Variants in SREBF1 observed in about 807,000 individuals in gnomAD.
The protein encoded by SREBF1 is sterol regulatory element binding transcription factor 1, also known as sterol regulatory element-binding protein 1.
SREBF1 carries 45 observed loss-of-function variants against 100.1 expected under a neutral mutation model. That is an observed-to-expected ratio of 0.45 (90% CI 0.35 to 0.58). SREBF1 has a LOEUF of 0.58. Ranked by LOEUF, SREBF1 falls within the 20% of genes least tolerant of loss-of-function variation. The pLI is 0.00. For synonymous variants in SREBF1, 657 were observed against 681.8 expected, an observed-to-expected ratio of 0.96 and a Z score of 0.57; for missense variants, 1,324 against 1,539.4, an observed-to-expected ratio of 0.86 and a Z score of 2.34.
At position 17,814,970 on chromosome 17, in the gene SREBF1, G is replaced by A. The variant is rs45581135; in HGVS notation, c.2493-26C>T. The A allele has an allele frequency of 1.3e-3, 1,965 of 1,547,902 alleles. 22 individuals carry two copies. The African/African-American group carries it at 0.024, about 19-fold the overall frequency. On this transcript the variant is annotated intron_variant, in intron 13 of 18. Transcript: ENST00000261646. ...CTGTGGAAGGAGAGAGCTGGCTGTC[G>A]GAACAGATGGCAGGGGTCCTAGGAG...
At chr17:17,816,182 G>GCCCCCCCCCCCCCCCCCCCC in intron 11 of SREBF1, 25 bp downstream of exon 11, 2 of 81,148 alleles carry the variant, frequency 2.5e-5, no homozygotes, top group Admixed American at 1.7e-4. Flanking sequence ...GCAGGGATAA[G>GCCCCCCCCCCCCCCCCCCCC]CCCCCAGCCC....
At chr17:17,827,486 C>T (rs1476813666) in intron 1 of SREBF1, among the ~76,000 whole-genome samples, 1 of 152,200 alleles carries the variant, frequency 6.6e-6, no homozygotes, top group African/African-American at 2.4e-5. Context: ...TCCCACCAGG[C>T]ACTTCCTTGA....
intron 6 of SREBF1, 62 bp downstream of exon 6, chr17:17,818,198 C>G: frequency 7.0e-7 from 1 of 1,435,418 alleles, no homozygotes; most frequent in Non-Finnish European, 9.8e-7. Context: ...TGGGGTGGGG[C>G]CGGGAGGTGG....
intron 1 of SREBF1, chr17:17,823,639 T>G (rs761235663): frequency 6.3e-7 from 1 of 1,582,832 alleles, no homozygotes; most frequent in Non-Finnish European, 8.6e-7. Flanking sequence ...TTGAAGCCGT[T>G]GAGCGCTGCG....
Position 17,816,529 on chromosome 17 carries a change from G to A in SREBF1, c.1975C>T (p.Arg659Ter), listed in dbSNP as rs747625180. The A allele has an allele frequency of 8.1e-6, 13 of 1,602,580 alleles. No homozygotes were observed. The highest frequency in any genetic ancestry group is 2.7e-5 in the African/African-American group (2 of 74,812). The change falls in exon 10 of 19, where the codon CGA (arginine) becomes TGA (stop). Residue 659 changes from arginine (R) to a stop codon, truncating the protein, a stop_gained. Coordinates refer to ENST00000261646, the MANE Select transcript of SREBF1 (RefSeq NM_004176.5). LOFTEE classifies it high-confidence loss of function. ...CGGGCGCTGGCGCTAGCATCCACTC[G>A]CAGAGCACAGTCCTGCTGCAGGCCC... ...AGGLQQDCAL[R>*]VDASASARDA... is the part of the protein sequence containing the mutation.
chr17:17,814,057 C>T, intron 16 of SREBF1, 188 bp downstream of exon 16: 1 of 708,600 alleles, frequency 1.4e-6, no homozygotes, highest in East Asian at 2.7e-5. Context: ...AAACTGAGGC[C>T]AGATAGGGGC....
At chr17:17,816,881 G>C in intron 9 of SREBF1, 77 bp downstream of exon 9, 1 of 1,603,854 alleles carries the variant, frequency 6.2e-7, no homozygotes, top group Non-Finnish European at 8.5e-7. Flanking sequence ...ACAGGGAGCA[G>C]GAACAAGGGT....
Position 17,824,849 on chromosome 17 carries a change from C to G in SREBF1, c.92-4328G>C, listed in dbSNP as rs963270109. On this transcript the variant is annotated intron_variant, in intron 1 of 18. Coordinates refer to ENST00000261646, the MANE Select transcript of SREBF1 (RefSeq NM_004176.5). The surrounding 1 kb of genome is among the most constrained non-coding windows in gnomAD (Gnocchi z 4.2). ...TAAGCAAGAAAACCCAGCCATGTCTCTCTCGCAACCTGTCCTCGCCACCGC... is the reference window on the plus strand; with the variant it reads ...TAAGCAAGAAAACCCAGCCATGTCTGTCTCGCAACCTGTCCTCGCCACCGC... Among the ~76,000 whole-genome samples the G allele has an allele frequency of 5.3e-5, 8 of 152,318 alleles. No homozygotes were observed. Among genetic ancestry groups the G allele is most frequent in the African/African-American group, 1.9e-4 (8 of 41,568 alleles).
At chr17:17,818,398 G>C in intron 5 of SREBF1, 24 bp from the exon 6 acceptor site, 1,152 of 1,453,906 alleles carry the variant, frequency 7.9e-4, no homozygotes, top group Non-Finnish European at 1.0e-3. Flanking sequence ...GAGGGAGGGG[G>C]AGCGCACAGG....
rs1381109910 is a variant in SREBF1, at chr17:17,817,159, G to A, written c.1607-23C>T. The A allele has an allele frequency of 1.9e-6, 3 of 1,612,956 alleles. No homozygotes were observed. The highest frequency in any genetic ancestry group is 1.1e-5 in the South Asian group (1 of 91,078). ...CATCTATGGACAGAGGGAAAGCTGG[G>A]GACACAGCTCCCAGGAAATCCAGAG... On this transcript the variant is annotated intron_variant, in intron 8 of 18. Transcript: ENST00000261646. The surrounding 1 kb of genome is among the most constrained non-coding windows in gnomAD (Gnocchi z 6.6).
At chr17:17,823,573 G>A (rs761290771) in intron 1 of SREBF1, 2 of 1,613,256 alleles carry the variant, frequency 1.2e-6, no homozygotes, top group South Asian at 1.1e-5. Context: ...GGGCGTCCAG[G>A]CCGTTGGCCC....
At chr17:17,827,893 G>C (rs1414062690) in intron 1 of SREBF1, among the ~76,000 whole-genome samples, 2 of 152,186 alleles carry the variant, frequency 1.3e-5, no homozygotes, top group Non-Finnish European at 2.9e-5. Flanking sequence ...CAAAGACAGA[G>C]AGGACAACAC....
chr17:17,816,919 G>A, intron 9 of SREBF1, 39 bp downstream of exon 9: 1 of 1,611,974 alleles, frequency 6.2e-7, no homozygotes, highest in Non-Finnish European at 8.5e-7. Flanking sequence ...ACAGCCTGGG[G>A]TCCCTGCCCT....
rs1483739140 is a variant in SREBF1 at position 17,818,592 on chromosome 17, C to T, written c.1069-218G>A. On this transcript the variant is annotated intron_variant, in intron 5 of 18. Transcript: ENST00000261646. ...GAATGTAAGATGCAGACAGCAGGGTCTGGCTAGCTGCTGCTGTGCCTGCCG... is the reference window on the plus strand; with the variant it reads ...GAATGTAAGATGCAGACAGCAGGGTTTGGCTAGCTGCTGCTGTGCCTGCCG... The T allele has an allele frequency of 1.2e-5, 7 of 592,204 alleles. No individual in the cohort carries two copies. In the East Asian group the frequency reaches 2.1e-4, roughly 17 times the overall value. 36.7% of individuals were successfully genotyped at this position (592,204 alleles called of 1,614,324 possible).
intron 1 of SREBF1, among the ~76,000 whole-genome samples, chr17:17,825,728 C>G (rs2034451492): frequency 6.6e-6 from 1 of 151,716 alleles, no homozygotes; most frequent in East Asian, 1.9e-4. Context: ...CTGCCTCAGC[C>G]TCCTGAGTAG....
chr17:17,816,154 G>C, intron 11 of SREBF1, 53 bp downstream of exon 11: 1 of 834,444 alleles, frequency 1.2e-6, no homozygotes, highest in Non-Finnish European at 1.5e-6. Flanking sequence ...CTTACCCAGG[G>C]AGCCTCTGGA....
Position 17,813,714 on chromosome 17 carries a change from C to A in SREBF1, c.2957G>T (p.Arg986Leu). The stretch of plus-strand genomic sequence containing the variant: ...GGCCGGGGCCGGGGGCTGCTGCTGC[C>A]GCCACAGGCTGGTGCGCACCACAAG... The part of the protein sequence containing the change: ...LLLVVRTSLW[R>L]QQQPPAPAPA... Residue 986 changes from arginine (R) to leucine (L), a missense_variant, in exon 17 of 19, where the codon CGG (arginine) becomes CTG (leucine). Coordinates refer to ENST00000261646, the MANE Select transcript of SREBF1 (RefSeq NM_004176.5). 2 of 1,536,588 alleles carry A rather than the reference C, an allele frequency of 1.3e-6. No homozygotes were observed. The highest frequency in any genetic ancestry group is 1.2e-5 in the South Asian group (1 of 84,244).
rs1326565350 is a variant in SREBF1 at position 17,836,848 on chromosome 17, G to A, written c.-31C>T. On this transcript the variant is annotated 5_prime_UTR_variant, in exon 1 of 19. Coordinates refer to ENST00000261646, the MANE Select transcript of SREBF1 (RefSeq NM_004176.5). Reference sequence around the variant, plus strand: ...AGCCGCCTCCTCCGGGAGGCCCGCCGGGCCCGCCGCCTCGTACGGCCCTTC... The same window carrying A: ...AGCCGCCTCCTCCGGGAGGCCCGCCAGGCCCGCCGCCTCGTACGGCCCTTC... 8 of 1,477,704 alleles carry A rather than the reference G, an allele frequency of 5.4e-6. No individual in the cohort carries two copies. Among genetic ancestry groups the A allele is most frequent in the Non-Finnish European group, 7.2e-6 (8 of 1,110,928 alleles). The allele number at this position is 1,477,704 out of a possible 1,614,324, so 91.5% of individuals were successfully genotyped here.
intron 2 of SREBF1, 169 bp from the exon 3 acceptor site, chr17:17,819,894 G>C (rs1215034853): frequency 1.7e-6 from 2 of 1,188,980 alleles, no homozygotes; most frequent in African/African-American, 3.1e-5. Flanking sequence ...TTCAAGCCAG[G>C]CCTCCAGTGC....
Sources: gnomAD v4.1 joint callset for allele counts (sites outside exome capture counted in the v4.1 genomes callset) on GRCh38, gnomAD v4.1.1 for gene constraint, Gnocchi (gnomAD v3.1) non-coding constraint, MANE v1.5 for transcripts, NCBI Gene and HGNC (gene_info 2026-07-23, HGNC 2026-07-21) for gene names.